Variants in JCAD observed in about 807,000 individuals in gnomAD.
JCAD encodes the protein junctional cadherin 5-associated protein.
In JCAD, 40 loss-of-function variants were observed where a neutral mutation model predicts 98.0. That is an observed-to-expected ratio of 0.41 (90% confidence interval 0.32 to 0.53). The LOEUF (loss-of-function observed/expected upper bound fraction) is 0.53. JCAD is among the 20% of genes least tolerant of loss of function. The pLI is 0.31. For synonymous variants in JCAD, 691 were observed against 682.3 expected, an observed-to-expected ratio of 1.01 and a Z score of -0.20; for missense variants, 1,705 against 1,738.1, an observed-to-expected ratio of 0.98 and a Z score of 0.34.
At chr10:30,098,579 C>T (rs957879276) in intron 1 of JCAD, among the ~76,000 whole-genome samples, 3 of 152,178 alleles carry the variant, frequency 2.0e-5, no homozygotes, top group South Asian at 2.1e-4. Flanking sequence ...TTTGTGTCCT[C>T]AGTTCCTGGA....
intron 1 of JCAD, among the ~76,000 whole-genome samples, chr10:30,057,130 C>A (rs1376540421): frequency 2.0e-5 from 3 of 152,244 alleles, no homozygotes; most frequent in Admixed American, 6.5e-5. Context: ...CACAATAGAA[C>A]AATTGTTTCA....
rs191442853 is a variant in JCAD at position 30,071,329 on chromosome 10, C to T, written n.129-1508G>A. Reference sequence around the variant, plus strand: ...GTTTTTACTTTCCCTAGCTCTCCTTCCCAGGGAAGTGTAGTATCAAAGAGG... The same window carrying T: ...GTTTTTACTTTCCCTAGCTCTCCTTTCCAGGGAAGTGTAGTATCAAAGAGG... On this transcript the variant is annotated intron_variant and non_coding_transcript_variant, in intron 1 of 2. Coordinates refer to the JCAD transcript ENST00000465712. Among the ~76,000 whole-genome samples the T allele has an allele frequency of 4.1e-3, 630 of 152,254 alleles. 4 individuals carry two copies. The highest frequency in any genetic ancestry group is 6.1e-3 in the Non-Finnish European group (417 of 68,026).
At chr10:30,067,570 TGCCCACTTTG>T (rs2132667147) in intron 2 of JCAD, among the ~76,000 whole-genome samples, 1 of 152,298 alleles carries the variant, frequency 6.6e-6, no homozygotes, top group South Asian at 2.1e-4. Context: ...TCAGGTTATC[TGCCCACTTTG>T]GCCTCCCAAA....
intron 2 of JCAD, among the ~76,000 whole-genome samples, chr10:30,067,591 G>A (rs1459889500): frequency 6.6e-6 from 1 of 151,908 alleles, no homozygotes; most frequent in Non-Finnish European, 1.5e-5. Context: ...GCCTCCCAAA[G>A]TGCTGGGATT....
chr10:30,113,825 C>T (rs1838747334), intron 1 of JCAD, among the ~76,000 whole-genome samples: 1 of 152,174 alleles, frequency 6.6e-6, no homozygotes, highest in African/African-American at 2.4e-5. Context: ...AATACTTGAA[C>T]ACCCTTTGGC....
upstream of JCAD, among the ~76,000 whole-genome samples, chr10:30,062,501 C>A (rs1327322676): frequency 1.3e-5 from 2 of 152,106 alleles, no homozygotes; most frequent in Non-Finnish European, 1.5e-5. Context: ...TTCTAAAGAT[C>A]TGGGAATAGA....
rs182745317 is a variant in JCAD at position 30,020,612 on chromosome 10, A to G, written c.4046-2695T>C. ...AGGAAAAGAAGTTTGCTCAAACGTC[A>G]TCAGCTGCACGCAGGAATAATCTGG... On this transcript the variant is annotated intron_variant, in intron 3 of 3. Transcript: ENST00000375377. 2.0e-5 allele frequency among the ~76,000 whole-genome samples: 3 copies of G among 152,362 alleles called. No individual in the cohort carries two copies. In the East Asian group the frequency reaches 5.8e-4, roughly 29 times the overall value.
chr10:30,046,726 T>C (rs956762464), intron 2 of JCAD, among the ~76,000 whole-genome samples: 3 of 152,196 alleles, frequency 2.0e-5, no homozygotes, highest in Non-Finnish European at 4.4e-5. Flanking sequence ...CTCACTGCTA[T>C]TTATTGAAGG....
At chr10:30,093,973 A>G (rs1838326818) in intron 1 of JCAD, among the ~76,000 whole-genome samples, 1 of 152,212 alleles carries the variant, frequency 6.6e-6, no homozygotes, top group African/African-American at 2.4e-5. Flanking sequence ...TGGGGCCTTC[A>G]TGGGATTCTG....
intron 1 of JCAD, among the ~76,000 whole-genome samples, chr10:30,097,148 A>G (rs1699931105): frequency 1.3e-5 from 2 of 152,208 alleles, no homozygotes; most frequent in Non-Finnish European, 1.5e-5. Context: ...CCAAATCTGC[A>G]CTGTCTAATA....
At chr10:30,039,012 C>T (rs1051449169) in intron 2 of JCAD, among the ~76,000 whole-genome samples, 2 of 152,168 alleles carry the variant, frequency 1.3e-5, no homozygotes, top group East Asian at 1.9e-4. Context: ...CCCTAACCCC[C>T]GACTCACGCC....
chr10:30,020,094 C>T (rs1027191703), intron 3 of JCAD, among the ~76,000 whole-genome samples: 1 of 151,686 alleles, frequency 6.6e-6, no homozygotes, highest in African/African-American at 2.4e-5. Context: ...TTTAGGAGGC[C>T]GAGACAGGTG....
At chr10:30,074,452 C>T (rs1244844961) in intron 1 of JCAD, among the ~76,000 whole-genome samples, 1 of 152,206 alleles carries the variant, frequency 6.6e-6, no homozygotes, top group Non-Finnish European at 1.5e-5. Flanking sequence ...GATCGGGGGT[C>T]ATGAGGGTTG....
intron 1 of JCAD, among the ~76,000 whole-genome samples, chr10:30,080,416 T>C (rs1838061204): frequency 6.6e-6 from 1 of 152,152 alleles, no homozygotes; most frequent in African/African-American, 2.4e-5. Flanking sequence ...TCTTGACCCA[T>C]CCTTTCCAAT....
chr10:30,040,529 A>G (rs555942632), intron 2 of JCAD, among the ~76,000 whole-genome samples: 2 of 152,306 alleles, frequency 1.3e-5, no homozygotes, highest in East Asian at 3.9e-4. Context: ...TCTTGCTTTC[A>G]TTTACTTATT....
Position 30,113,597 on chromosome 10 carries a change from G to A in JCAD, n.128+1770C>T, listed in dbSNP as rs193122590. ...AAAAAAGCCTCCCAGCAGAGAAGAA[G>A]GAAGCACAAAACAGACAGATGGCTC... On this transcript the variant is annotated intron_variant and non_coding_transcript_variant, in intron 1 of 2. Transcript: ENST00000465712. Among the ~76,000 whole-genome samples, 464 of 131,060 alleles carry A rather than the reference G, an allele frequency of 3.5e-3. 2 individuals carry two copies. Among genetic ancestry groups the A allele is most frequent in the African/African-American group, 0.013 (447 of 33,300 alleles). 86.0% of individuals were successfully genotyped at this position (131,060 alleles called of 152,430 possible).
intron 1 of JCAD, among the ~76,000 whole-genome samples, chr10:30,073,480 T>A (rs761627452): frequency 7.2e-5 from 11 of 152,198 alleles, no homozygotes; most frequent in Non-Finnish European, 1.3e-4. Flanking sequence ...CTTCCATTTC[T>A]GGGGACTAAA....
In JCAD at chr10:30,028,451, C is replaced by G. The variant is rs1244828404; in HGVS notation, c.1697G>C (p.Arg566Pro). 1.2e-6 allele frequency: 2 copies of G among 1,614,170 alleles called. No homozygotes were observed. Among genetic ancestry groups the G allele is most frequent in the South Asian group, 2.2e-5 (2 of 91,082 alleles). ...TKLKKFQTGTRTKKSSKKKMN... is the reference protein window; with the variant it reads ...TKLKKFQTGTPTKKSSKKKMN... Reference sequence around the variant, plus strand: ...TTTTTTCTTTGAACTTTTCTTGGTCCGAGTCCCAGTTTGGAACTTTTTGAG... The same window carrying G: ...TTTTTTCTTTGAACTTTTCTTGGTCGGAGTCCCAGTTTGGAACTTTTTGAG... Residue 566 changes from arginine (R) to proline (P), a missense_variant, in exon 3 of 4, where the codon CGG becomes CCG. Transcript: ENST00000375377.
At chr10:30,031,229 C>T (rs2132622145) in intron 2 of JCAD, among the ~76,000 whole-genome samples, 2 of 152,112 alleles carry the variant, frequency 1.3e-5, no homozygotes, top group Middle Eastern at 6.8e-3. Flanking sequence ...TGGGCTCAAG[C>T]AATCCTTCCA....
Sources: gnomAD v4.1 joint callset for allele counts (sites outside exome capture counted in the v4.1 genomes callset) on GRCh38, gnomAD v4.1.1 for gene constraint, MANE v1.5 for transcripts, NCBI Gene and HGNC (gene_info 2026-07-23, HGNC 2026-07-21) for gene names.